CLEC16A: variants seen among roughly 807,000 people sequenced by gnomAD.
The protein encoded by CLEC16A is C-type lectin domain containing 16A.
A neutral mutation model predicts 109.5 loss-of-function variants in CLEC16A; 51 were observed. That is an observed-to-expected ratio of 0.47 (90% confidence interval 0.37 to 0.59). CLEC16A has a LOEUF of 0.59. Among genes scored for constraint, CLEC16A ranks in the 20% least tolerant of loss-of-function variants. The probability of loss-of-function intolerance (pLI) is 0.00; values close to 1 mark genes in which losing one functional copy is unlikely to be tolerated. For synonymous variants in CLEC16A, 673 were observed against 564.2 expected (o/e 1.19, Z -2.73); for missense variants, 1,339 against 1,394.0 (o/e 0.96, Z 0.63).
intron 19 of CLEC16A, among the ~76,000 whole-genome samples, chr16:11,099,680 G>C (rs2050799012): frequency 6.6e-6 from 1 of 152,146 alleles, no homozygotes; most frequent in South Asian, 2.1e-4. Context: ...AACTCTGCTG[G>C]GGCCCAGGCG....
intron 19 of CLEC16A, among the ~76,000 whole-genome samples, chr16:11,067,121 C>T (rs1413379797): frequency 7.1e-6 from 1 of 141,452 alleles, no homozygotes; most frequent in Non-Finnish European, 1.5e-5. Flanking sequence ...ACATACTGTG[C>T]TTTAATGGGG....
chr16:11,128,277 A>C (rs762325523), intron 22 of CLEC16A, among the ~76,000 whole-genome samples: 2 of 152,156 alleles, frequency 1.3e-5, no homozygotes, highest in Admixed American at 1.3e-4. Flanking sequence ...ATGCTTTAGG[A>C]TGACTTATTG....
At chr16:11,151,632 A>G (rs761258608) in intron 22 of CLEC16A, among the ~76,000 whole-genome samples, 3 of 152,260 alleles carry the variant, frequency 2.0e-5, no homozygotes, top group Non-Finnish European at 4.4e-5. Flanking sequence ...GATTTCAGAA[A>G]TACTGGGCCC....
chr16:11,171,903 CAT>C (rs2068527872), intron 23 of CLEC16A, among the ~76,000 whole-genome samples: 1 of 151,762 alleles, frequency 6.6e-6, no homozygotes, highest in South Asian at 2.1e-4. Flanking sequence ...AATGTGCATA[CAT>C]AGTCACACAC....
At chr16:11,023,850 A>AG (rs2046261285) in intron 12 of CLEC16A, among the ~76,000 whole-genome samples, 2 of 152,100 alleles carry the variant, frequency 1.3e-5, no homozygotes, top group Admixed American at 1.3e-4. Flanking sequence ...TGGCATTCAG[A>AG]GGGGGCAGCC....
At chr16:11,153,739 G>A (rs1030839214) in intron 22 of CLEC16A, among the ~76,000 whole-genome samples, 67 of 151,936 alleles carry the variant, frequency 4.4e-4, no homozygotes, top group African/African-American at 1.6e-3. Context: ...AAACTTTAAA[G>A]TCTCTTAGTT....
intron 19 of CLEC16A, among the ~76,000 whole-genome samples, chr16:11,068,639 A>G (rs2048892290): frequency 1.3e-5 from 2 of 152,224 alleles, no homozygotes. Context: ...GCTGGTGGCA[A>G]AAACCACAGG....
At chr16:11,073,904 C>T (rs1161149007) in intron 19 of CLEC16A, among the ~76,000 whole-genome samples, 2 of 152,178 alleles carry the variant, frequency 1.3e-5, no homozygotes, top group East Asian at 1.9e-4. Context: ...ATAGCATTTC[C>T]AAATCTCATC....
chr16:11,112,495 C>CAAAAA lies in CLEC16A; in HGVS notation c.2117-8104_2117-8100dup, dbSNP rs984574100. ...ACAACATAGCAAGATCCTATCTCTACAAAAAAAAAAAAAAAAAAAAGATTA... is the reference window on the plus strand; with the variant it reads ...ACAACATAGCAAGATCCTATCTCTACAAAAAAAAAAAAAAAAAAAAAAAAAGATTA... On this transcript the variant is annotated intron_variant, in intron 19 of 23. Coordinates refer to ENST00000409790, the MANE Select transcript of CLEC16A (RefSeq NM_015226.3). Among the ~76,000 whole-genome samples, 558 of 85,270 alleles carry CAAAAA rather than the reference C, an allele frequency of 6.5e-3. 27 individuals are homozygous for CAAAAA. The highest frequency in any genetic ancestry group is 0.016 in the African/African-American group (384 of 23,584). 55.9% of individuals were successfully genotyped at this position (85,270 alleles called of 152,430 possible).
intron 3 of CLEC16A, 39 bp from the exon 4 acceptor site, chr16:10,969,122 C>T (rs200680277): frequency 1.8e-5 from 28 of 1,561,344 alleles, no homozygotes; most frequent in Non-Finnish European, 2.1e-5. Context: ...ATCTTTCCTC[C>T]AGCATGAGTT....
At chr16:11,135,401 A>C (rs1036287229) in intron 22 of CLEC16A, among the ~76,000 whole-genome samples, 20 of 152,266 alleles carry the variant, frequency 1.3e-4, no homozygotes, top group Non-Finnish European at 2.6e-4. Context: ...CCCCAAAGAC[A>C]CTTTCCCAAT....
At chr16:11,159,008 G>A (rs1250013786) in intron 22 of CLEC16A, among the ~76,000 whole-genome samples, 2 of 152,114 alleles carry the variant, frequency 1.3e-5, no homozygotes, top group East Asian at 3.8e-4. Context: ...CTGGCTTGGG[G>A]TTTCCCACTT....
chr16:11,034,857 A>G (rs960221428), intron 13 of CLEC16A, among the ~76,000 whole-genome samples: 1 of 152,120 alleles, frequency 6.6e-6, no homozygotes, highest in Non-Finnish European at 1.5e-5. Flanking sequence ...TTGCAGCAAA[A>G]CCTGCCTTTC....
At chr16:11,049,901 G>T (rs191437453) in intron 17 of CLEC16A, among the ~76,000 whole-genome samples, 505 of 152,354 alleles carry the variant, frequency 3.3e-3, no homozygotes, top group Non-Finnish European at 5.7e-3. Flanking sequence ...GGGACCTCAG[G>T]CTTCTGGAGG....
chr16:11,145,754 C>G (rs1227412008), intron 22 of CLEC16A, among the ~76,000 whole-genome samples: 1 of 152,266 alleles, frequency 6.6e-6, no homozygotes, highest in African/African-American at 2.4e-5. Context: ...TGGCTTTAAA[C>G]TCAGCCCCAC....
intron 19 of CLEC16A, among the ~76,000 whole-genome samples, chr16:11,115,345 G>T (rs1374094704): frequency 6.6e-6 from 1 of 152,162 alleles, no homozygotes; most frequent in Non-Finnish European, 1.5e-5. Flanking sequence ...TTTTTTAAAA[G>T]ATTCCCACTG....
intron 13 of CLEC16A, among the ~76,000 whole-genome samples, chr16:11,037,179 C>T (rs1226992805): frequency 6.6e-6 from 1 of 152,172 alleles, no homozygotes; most frequent in Non-Finnish European, 1.5e-5. Flanking sequence ...AGAGGGTGAG[C>T]CCAGGGACAC....
intron 21 of CLEC16A, 98 bp from the exon 22 acceptor site, chr16:11,125,881 G>C (rs914244340): frequency 2.1e-6 from 2 of 972,176 alleles, no homozygotes; most frequent in South Asian, 3.0e-5. Context: ...GATGTGCCTG[G>C]CAGGGCCACA....
At chr16:10,973,595 G>C (rs1308471264) in intron 7 of CLEC16A, among the ~76,000 whole-genome samples, 1 of 151,956 alleles carries the variant, frequency 6.6e-6, no homozygotes, top group African/African-American at 2.4e-5. Flanking sequence ...TTGAGACAGA[G>C]TATTGCTCTG....
Sources: allele counts gnomAD v4.1 joint callset (sites outside exome capture counted in the v4.1 genomes callset), GRCh38; gene constraint gnomAD v4.1.1; transcripts MANE v1.5; gene names NCBI Gene and HGNC (gene_info 2026-07-23, HGNC 2026-07-21).